The following ZNF705A variants were observed in gnomAD, a reference collection of about 807,000 sequenced individuals.
ZNF705A encodes zinc finger protein 705A.
ZNF705A carries 8 observed loss-of-function variants against 16.6 expected under a neutral mutation model. That is an observed-to-expected ratio of 0.48 (90% CI 0.28 to 0.87). The LOEUF is 0.87. ZNF705A is among the 40% of genes least tolerant of loss of function. The pLI, the probability that ZNF705A is intolerant of heterozygous loss-of-function variation, is 0.10. For synonymous variants in ZNF705A, 73 were observed against 117.3 expected (o/e 0.62, Z 2.44); for missense variants, 233 against 359.9 (o/e 0.65, Z 2.85).
upstream of ZNF705A, among the ~76,000 whole-genome samples, chr12:8,170,743 A>C (rs1565415176): frequency 6.6e-6 from 1 of 152,226 alleles, no homozygotes; most frequent in Non-Finnish European, 1.5e-5. Context: ...ACTACATAAT[A>C]CATGTACTGT....
At chr12:8,162,496 A>G (rs760315034) in intron 1 of ZNF705A, among the ~76,000 whole-genome samples, 1 of 152,288 alleles carries the variant, frequency 6.6e-6, no homozygotes, top group South Asian at 2.1e-4. Flanking sequence ...AAGAGATAGC[A>G]GTTGTTCATG....
intron 1 of ZNF705A, among the ~76,000 whole-genome samples, chr12:8,163,677 TCTATAGTTCTAC>T (rs1235427348): frequency 1.3e-5 from 2 of 152,208 alleles, no homozygotes; most frequent in Admixed American, 1.3e-4. Context: ...CTCACTTAAA[TCTATAGTTCTAC>T]CTACCATGGC....
Position 8,175,189 on chromosome 12 carries a change from A to G in ZNF705A, c.140-39A>G, listed in dbSNP as rs1297275690. 4.0e-6 allele frequency: 6 copies of G among 1,513,826 alleles called. No individual in the cohort carries two copies. In the Admixed American group the frequency reaches 5.3e-5, roughly 13 times the overall value. 93.8% of individuals were successfully genotyped at this position (1,513,826 alleles called of 1,614,324 possible). A position where few individuals can be genotyped will look rare whatever the true frequency, so the allele number is the denominator to read the frequency against. The stretch of plus-strand genomic sequence containing the variant: ...ACTTGGTGATAATGCACATTTATTG[A>G]CAGTGAACTCAAAACACATGTATTC... On this transcript the variant is annotated intron_variant, in intron 2 of 4. Transcript: ENST00000359286.
intron 1 of ZNF705A, among the ~76,000 whole-genome samples, chr12:8,160,616 G>A (rs73065356): frequency 7.1e-6 from 1 of 141,778 alleles, no homozygotes; most frequent in Non-Finnish European, 1.5e-5. Context: ...TTCTTGATTT[G>A]GTTCTCCACT....
At chr12:8,157,901 C>T (rs894956263) in intron 1 of ZNF705A, among the ~76,000 whole-genome samples, 1 of 152,056 alleles carries the variant, frequency 6.6e-6, no homozygotes, top group African/African-American at 2.4e-5. Context: ...TTCCTCTGGC[C>T]TTTGTTACAG....
exon 5 of ZNF705A, chr12:8,178,690 T>G (rs1591626958): frequency 6.6e-6 from 1 of 152,400 alleles, no homozygotes; most frequent in South Asian, 2.1e-4. Context: ...CAGAATTATA[T>G]AAGAAATCTC....
At chr12:8,173,186 G>C (rs1373469551) in intron 1 of ZNF705A, among the ~76,000 whole-genome samples, 1 of 152,234 alleles carries the variant, frequency 6.6e-6, no homozygotes, top group East Asian at 1.9e-4. Context: ...GAAAAGAAGA[G>C]TTTGATAAAA....
chr12:8,166,717 G>A (rs1159021408), intron 1 of ZNF705A, among the ~76,000 whole-genome samples: 7 of 152,316 alleles, frequency 4.6e-5, no homozygotes, highest in East Asian at 1.9e-4. Context: ...TGTGGCTTGC[G>A]CCCTCTAAAG....
At chr12:8,162,584 T>C (rs573961968) in intron 1 of ZNF705A, among the ~76,000 whole-genome samples, 6 of 152,136 alleles carry the variant, frequency 3.9e-5, no homozygotes, top group Admixed American at 6.6e-5. Context: ...ACAAGCTGCC[T>C]CTTCTCAAGC....
At chr12:8,166,449 G>A (rs1948400006) in intron 1 of ZNF705A, among the ~76,000 whole-genome samples, 1 of 152,182 alleles carries the variant, frequency 6.6e-6, no homozygotes, top group Non-Finnish European at 1.5e-5. Context: ...CTGTTCTCGT[G>A]GTAGTGAATA....
intron 1 of ZNF705A, among the ~76,000 whole-genome samples, chr12:8,161,694 G>T (rs146700716): frequency 0.051 from 7,737 of 152,118 alleles, 520 homozygotes; most frequent in African/African-American, 0.15. Flanking sequence ...ATTAGTAACT[G>T]CCCCTGTCCT....
exon 5 of ZNF705A, chr12:8,179,347 C>T (rs1948513052): frequency 1.3e-5 from 2 of 152,228 alleles, no homozygotes; most frequent in Non-Finnish European, 2.9e-5. Flanking sequence ...AGCCACCTTG[C>T]AAGCCTTTCC....
chr12:8,169,952 G>T (rs1490160421), upstream of ZNF705A, among the ~76,000 whole-genome samples: 1 of 152,178 alleles, frequency 6.6e-6, no homozygotes, highest in East Asian at 1.9e-4. Flanking sequence ...AACTTTGAGA[G>T]GCGGAGGCTA....
intron 1 of ZNF705A, among the ~76,000 whole-genome samples, chr12:8,173,712 T>C (rs1429174985): frequency 2.0e-5 from 3 of 152,220 alleles, no homozygotes; most frequent in Non-Finnish European, 2.9e-5. Context: ...TAAAGCTTTT[T>C]CAGTTCTGAA....
Position 8,177,581 on chromosome 12 carries a change from T to C in ZNF705A, c.901T>C (p.Ter301ArgextTer28), listed in dbSNP as rs900391937. 3 of 1,575,530 alleles carry C rather than the reference T, an allele frequency of 1.9e-6. No homozygotes were observed. The African/African-American group carries it at 4.0e-5, about 21-fold the overall frequency. Residue 301 changes from the stop codon to arginine (R), a stop_lost, in exon 5 of 5, where the codon TGA becomes CGA. Transcript: ENST00000359286. ...CTTCAGTCTGTCTTCCGACCTTAGA[T>C]GACATGAGAGAACATGCACTGGAGA...
chr12:8,174,730 A>G (rs749653709), intron 2 of ZNF705A, among the ~76,000 whole-genome samples: 2 of 152,346 alleles, frequency 1.3e-5, no homozygotes, highest in Admixed American at 6.5e-5. Context: ...AGACCTGGGA[A>G]CTTAACGAAT....
At chr12:8,164,061 T>C (rs1948379258) in intron 1 of ZNF705A, among the ~76,000 whole-genome samples, 1 of 152,060 alleles carries the variant, frequency 6.6e-6, no homozygotes, top group African/African-American at 2.4e-5. Context: ...AGTCCCCCCC[T>C]TTATTATTAT....
At chr12:8,170,746 T>G (rs1948439160), upstream of ZNF705A, among the ~76,000 whole-genome samples, 1 of 152,226 alleles carries the variant, frequency 6.6e-6, no homozygotes, top group African/African-American at 2.4e-5. Context: ...ACATAATACA[T>G]GTACTGTCAG....
exon 5 of ZNF705A, chr12:8,179,372 T>C (rs370560597): frequency 1.4e-4 from 22 of 152,350 alleles, no homozygotes; most frequent in African/African-American, 5.1e-4. Flanking sequence ...TTCGATTCAA[T>C]GTACTTTTCC....
Sources: allele counts gnomAD v4.1 joint callset (sites outside exome capture counted in the v4.1 genomes callset), GRCh38; gene constraint gnomAD v4.1.1; transcripts MANE v1.5; gene names NCBI Gene and HGNC (gene_info 2026-07-23, HGNC 2026-07-21).